Variants in LDLRAD4 observed in about 807,000 individuals in gnomAD.
LDLRAD4 encodes the protein low density lipoprotein receptor class A domain containing 4, also known as low-density lipoprotein receptor class A domain-containing protein 4.
LDLRAD4 carries 5 observed loss-of-function variants against 17.0 expected under a neutral mutation model. That is an observed-to-expected ratio of 0.29 (90% CI 0.15 to 0.62). The LOEUF (loss-of-function observed/expected upper bound fraction) is 0.62, where lower values mean the gene tolerates loss of function less well. LDLRAD4 is among the 20% of genes least tolerant of loss of function. The pLI, the probability that LDLRAD4 is intolerant of heterozygous loss-of-function variation, is 0.84. For missense variants in LDLRAD4, 340 were observed against 424.7 expected, an observed-to-expected ratio of 0.80 and a Z score of 1.75; for synonymous variants, 168 against 171.8, an observed-to-expected ratio of 0.98 and a Z score of 0.17.
intron 1 of LDLRAD4, among the ~76,000 whole-genome samples, chr18:13,326,423 G>T (rs1844496261): frequency 6.6e-6 from 1 of 152,172 alleles, no homozygotes; most frequent in Admixed American, 6.5e-5. Flanking sequence ...AGATGTCTCT[G>T]GGCAGGTGGA....
chr18:13,384,607 CCCT>C (rs1268603930), intron 1 of LDLRAD4, among the ~76,000 whole-genome samples: 1 of 152,188 alleles, frequency 6.6e-6, no homozygotes, highest in Non-Finnish European at 1.5e-5. Context: ...CTCCTTTCTA[CCCT>C]CCTTCTGTGA....
intron 3 of LDLRAD4, among the ~76,000 whole-genome samples, chr18:13,566,608 G>T (rs1005500774): frequency 1.3e-5 from 2 of 151,974 alleles, no homozygotes; most frequent in Non-Finnish European, 2.9e-5. Flanking sequence ...TGATCCACCC[G>T]CCTTGGCCTC....
chr18:13,632,205 G>A (rs2041724149), intron 4 of LDLRAD4, among the ~76,000 whole-genome samples: 1 of 152,204 alleles, frequency 6.6e-6, no homozygotes. Context: ...TTTGTGGCTG[G>A]TGGTGCCTTC....
chr18:13,223,646 C>T (rs1014481582), intron 1 of LDLRAD4, among the ~76,000 whole-genome samples: 6 of 152,196 alleles, frequency 3.9e-5, no homozygotes, highest in African/African-American at 1.4e-4. Flanking sequence ...GGCTGCTTTC[C>T]GAAGGGCTCC....
intron 3 of LDLRAD4, among the ~76,000 whole-genome samples, chr18:13,550,486 G>A (rs903700558): frequency 6.6e-6 from 1 of 152,214 alleles, no homozygotes; most frequent in South Asian, 2.1e-4. Context: ...GTCAAAGCTC[G>A]AGGGGCTAGA....
chr18:13,325,682 G>A (rs563328327), intron 1 of LDLRAD4, among the ~76,000 whole-genome samples: 5 of 152,320 alleles, frequency 3.3e-5, no homozygotes, highest in South Asian at 4.1e-4. Context: ...CGCCCGTCTC[G>A]GAACTGCTGA....
intron 1 of LDLRAD4, among the ~76,000 whole-genome samples, chr18:13,296,352 T>C (rs1567978315): frequency 6.6e-6 from 1 of 152,338 alleles, no homozygotes; most frequent in East Asian, 1.9e-4. Flanking sequence ...GTGACTTAAA[T>C]GACAGAAATG....
chr18:13,303,601 G>A (rs1356563170), intron 1 of LDLRAD4, among the ~76,000 whole-genome samples: 3 of 152,084 alleles, frequency 2.0e-5, no homozygotes, highest in Non-Finnish European at 4.4e-5. Context: ...CAAAGCCCTA[G>A]GATTACAGGT....
chr18:13,257,741 CT>C (rs2043585264), intron 1 of LDLRAD4, among the ~76,000 whole-genome samples: 1 of 152,140 alleles, frequency 6.6e-6, no homozygotes, highest in Admixed American at 6.5e-5. Flanking sequence ...GGAGGTGCTC[CT>C]AGCATCTAGT....
At chr18:13,552,096 C>T (rs74648876) in intron 3 of LDLRAD4, among the ~76,000 whole-genome samples, 1,679 of 152,302 alleles carry the variant, frequency 0.011, 36 homozygotes, top group African/African-American at 0.039. Context: ...GCCCCACTTC[C>T]AACACAGAGG....
rs1006895654 is a variant in LDLRAD4, at chr18:13,612,366, A to C, written c.182-8751A>C. On this transcript the variant is annotated intron_variant, in intron 3 of 5. Transcript: ENST00000359446. ...CTGGTCTCAGGATCGGAGACCCCGG[A>C]CTTATTCTCTGCTCGGTGACACGGC... 50 of 1,158,640 alleles carry C rather than the reference A, an allele frequency of 4.3e-5. 1 individual carries two copies. In the Admixed American group the frequency reaches 6.2e-4, roughly 14 times the overall value. 71.8% of individuals were successfully genotyped at this position (1,158,640 alleles called of 1,614,324 possible). A position where few individuals can be genotyped will look rare whatever the true frequency, so the allele number is the denominator to read the frequency against.
intron 3 of LDLRAD4, among the ~76,000 whole-genome samples, chr18:13,439,330 A>G (rs561686015): frequency 3.5e-4 from 53 of 152,238 alleles, no homozygotes; most frequent in Non-Finnish European, 5.9e-4. Context: ...GTATTTTTAT[A>G]TGGGGGGCAA....
chr18:13,482,432 G>A (rs1227748149), intron 3 of LDLRAD4, among the ~76,000 whole-genome samples: 2 of 152,216 alleles, frequency 1.3e-5, no homozygotes, highest in Non-Finnish European at 2.9e-5. Flanking sequence ...GTGAGCACAC[G>A]GAAGCTCTGT....
intron 1 of LDLRAD4, among the ~76,000 whole-genome samples, chr18:13,331,727 C>G (rs1363735450): frequency 6.6e-6 from 1 of 152,212 alleles, no homozygotes; most frequent in Non-Finnish European, 1.5e-5. Context: ...TTTCTACTGA[C>G]TATAACCATG....
chr18:13,572,187 T>C lies in LDLRAD4; in HGVS notation c.182-48930T>C, dbSNP rs951306974. Among the ~76,000 whole-genome samples, 4 of 152,348 alleles carry C rather than the reference T, an allele frequency of 2.6e-5. No individual in the cohort carries two copies. The East Asian group carries it at 5.8e-4, about 22-fold the overall frequency. ...TACAGTTGCAGTTTACATGAACCTA[T>C]CGGCAGCCTTAAGTGAGCATGTACT... On this transcript the variant is annotated intron_variant, in intron 3 of 5. Coordinates refer to ENST00000359446, the Ensembl canonical transcript of LDLRAD4.
intron 2 of LDLRAD4, among the ~76,000 whole-genome samples, chr18:13,435,014 T>G (rs866308373): frequency 1.1e-4 from 16 of 152,342 alleles, no homozygotes; most frequent in Middle Eastern, 3.4e-3. Context: ...CTGAAAGACG[T>G]CCAGGTGATC....
intron 1 of LDLRAD4, among the ~76,000 whole-genome samples, chr18:13,228,162 A>G (rs2041903126): frequency 6.6e-6 from 1 of 152,186 alleles, no homozygotes. Context: ...TTGGAGATGG[A>G]TTCCAAAAGG....
chr18:13,348,873 G>T (rs373807770), intron 1 of LDLRAD4, among the ~76,000 whole-genome samples: 28 of 152,188 alleles, frequency 1.8e-4, no homozygotes, highest in African/African-American at 3.9e-4. Flanking sequence ...CTCCGAGCCA[G>T]GCACGGGATA....
At chr18:13,331,013 T>TTCATCTGTATCCTTCCCCC (rs1332858529) in intron 1 of LDLRAD4, among the ~76,000 whole-genome samples, 23 of 152,346 alleles carry the variant, frequency 1.5e-4, no homozygotes, top group African/African-American at 5.5e-4. Context: ...CCCCCATACC[T>TTCATCTGTATCCTTCCCCC]ATGCATCTCT....
Sources: gnomAD v4.1 joint callset for allele counts (sites outside exome capture counted in the v4.1 genomes callset) on GRCh38, gnomAD v4.1.1 for gene constraint, MANE v1.5 for transcripts, NCBI Gene and HGNC (gene_info 2026-07-23, HGNC 2026-07-21) for gene names.